Variants in VPS51 observed in about 807,000 individuals in gnomAD.
VPS51 encodes vacuolar protein sorting-associated protein 51 homolog.
VPS51 carries 55 observed loss-of-function variants against 65.1 expected under a neutral mutation model. That is an observed-to-expected ratio of 0.84 (90% CI 0.68 to 1.06). The LOEUF (loss-of-function observed/expected upper bound fraction) is 1.06. Ranked by LOEUF, VPS51 falls within the 50% of genes least tolerant of loss-of-function variation. The pLI is 0.00. For missense variants in VPS51, 943 were observed against 1,101.6 expected, an observed-to-expected ratio of 0.86 and a Z score of 2.04; for synonymous variants, 473 against 489.5, an observed-to-expected ratio of 0.97 and a Z score of 0.44.
Position 65,110,497 on chromosome 11 carries a change from G to C in VPS51, c.1894G>C (p.Glu632Gln). Residue 632 changes from glutamate (E) to glutamine (Q), a missense_variant, in exon 8 of 10, where the codon GAA becomes CAA. Physicochemically the swap from Glu to Gln is conservative, Grantham distance 29. Around this residue, in one of 2 missense-constraint regions of VPS51, gnomAD observed 855 missense variants for 953.7 expected, o/e 0.90. Transcript: ENST00000279281. ...AIDVQVGLLY[E>Q]EGVRKAQSSD... is the part of the protein sequence containing the mutation. ...TTACCACCAGGTGGGGCTCCTGTAC[G>C]AAGAGGGTGTTCGCAAGGCCCAGAG... 6.2e-7 allele frequency: 1 copy of C among 1,613,906 alleles called. No homozygotes were observed. Among genetic ancestry groups the C allele is most frequent in the Non-Finnish European group, 8.5e-7 (1 of 1,180,012 alleles).
Position 65,108,471 on chromosome 11 carries a change from G to T in VPS51, c.1000G>T (p.Ala334Ser), listed in dbSNP as rs371442252. Reference protein sequence around the residue: ...ELFAAQGPAGAEKLAAFARQL... With the variant: ...ELFAAQGPAGSEKLAAFARQL... ...GTTTGCGGCCCAGGGCCCAGCAGGT[G>T]CCGAGAAGCTGGCGGCCTTCGCCCG... Residue 334 changes from alanine to serine, a missense_variant, in exon 5 of 10, where the codon GCC becomes TCC. Coordinates refer to ENST00000279281, the MANE Select transcript of VPS51 (RefSeq NM_013265.4). 1 of 1,609,292 alleles carries T rather than the reference G, an allele frequency of 6.2e-7. No individual in the cohort carries two copies.
At position 65,111,279 on chromosome 11, in the gene VPS51, A is replaced by C. The variant is rs770837841; in HGVS notation, c.2089-48A>C. 2.9e-5 allele frequency: 47 copies of C among 1,597,986 alleles called. 1 individual carries two copies. Among genetic ancestry groups the C allele is most frequent in the South Asian group, 1.3e-4 (12 of 90,818 alleles). ...CCTGCTTGGAACTTGGGTGTCCCCCACACACACCTGCAGTCCCCAAGCTGC... is the reference window on the plus strand; with the variant it reads ...CCTGCTTGGAACTTGGGTGTCCCCCCCACACACCTGCAGTCCCCAAGCTGC... On this transcript the variant is annotated intron_variant, in intron 9 of 9. Transcript: ENST00000279281.
chr11:65,108,756 C>A lies in VPS51; in HGVS notation c.1285C>A (p.Leu429Met), dbSNP rs753590445. 6.2e-7 allele frequency: 1 copy of A among 1,612,132 alleles called. No individual in the cohort carries two copies. The highest frequency in any genetic ancestry group is 2.2e-5 in the East Asian group (1 of 44,870). ...LGCLTDVRQA[L>M]AAPRVAGKEG... ...CTGCCTGACAGACGTCCGCCAGGCG[C>A]TGGCAGCACCTCGCGTGGCTGGGAA... Residue 429 changes from leucine to methionine, a missense_variant, in exon 5 of 10, where the codon CTG becomes ATG. Physicochemically the swap from Leu to Met is conservative, Grantham distance 15. Coordinates refer to ENST00000279281, the MANE Select transcript of VPS51 (RefSeq NM_013265.4).
chr11:65,097,170 C>T, intron 2 of VPS51, 43 bp downstream of exon 2: 1 of 1,611,768 alleles, frequency 6.2e-7, no homozygotes, highest in Non-Finnish European at 8.5e-7. Context: ...TCACAGCCCC[C>T]ATTCTCCCAC....
Position 65,107,669 on chromosome 11 carries a change from C to CAA in VPS51, c.448_449insAA (p.Ser150LysfsTer136), listed in dbSNP as rs766840125. On this transcript the variant is annotated frameshift_variant, in exon 3 of 10. Transcript: ENST00000279281. LOFTEE classifies it high-confidence loss of function. The surrounding 1 kb of genome is among the most constrained non-coding windows in gnomAD (Gnocchi z 4.0). ...CCAACATGGCAGTGATCACCGACTTCAGCGCTCGCATCAGCGCCACGCTGC... is the reference window on the plus strand; with the variant it reads ...CCAACATGGCAGTGATCACCGACTTCAAAGCGCTCGCATCAGCGCCACGCTGC... 17 of 1,610,156 alleles carry CAA rather than the reference C, an allele frequency of 1.1e-5. No homozygotes were observed. Among genetic ancestry groups the CAA allele is most frequent in the Non-Finnish European group, 1.7e-6 (2 of 1,177,424 alleles).
intron 2 of VPS51, among the ~76,000 whole-genome samples, chr11:65,101,168 GA>G (rs1229755133): frequency 6.6e-6 from 1 of 152,190 alleles, no homozygotes; most frequent in Non-Finnish European, 1.5e-5. Context: ...AGGGGATGAT[GA>G]AATGTTCTGG....
At position 65,111,463 on chromosome 11, in the gene VPS51, T is replaced by C; in HGVS notation, c.2225T>C (p.Phe742Ser). ...TTTCTGCAGCTCTACCTGTGGCGTT[T>C]TGTGGCCGACGAAGAACTCGTGCAC... is the stretch of plus-strand genomic sequence containing the variant. ...CHFLQLYLWRFVADEELVHLL... is the reference protein window; with the variant it reads ...CHFLQLYLWRSVADEELVHLL... Residue 742 changes from phenylalanine (F) to serine (S), a missense_variant, in exon 10 of 10, where the codon TTT becomes TCT. Phe to Ser is a radical substitution (Grantham distance 155, BLOSUM62 -2). This residue lies in a region of VPS51 where 88 missense variants were observed against 147.8 expected (regional missense o/e 0.60). Transcript: ENST00000279281. 1 of 1,613,990 alleles carries C rather than the reference T, an allele frequency of 6.2e-7. No homozygotes were observed. Among genetic ancestry groups the C allele is most frequent in the South Asian group, 1.1e-5 (1 of 91,092 alleles).
chr11:65,106,367 A>G (rs762073026), intron 2 of VPS51, among the ~76,000 whole-genome samples: 5 of 152,236 alleles, frequency 3.3e-5, no homozygotes, highest in Non-Finnish European at 5.9e-5. Context: ...ACTTACAATC[A>G]TGGCAGAAGG....
intron 7 of VPS51, 129 bp downstream of exon 7, chr11:65,110,052 T>C (rs947649788): frequency 1.9e-6 from 2 of 1,043,978 alleles, no homozygotes; most frequent in African/African-American, 3.2e-5. Flanking sequence ...TCTGGGCTTC[T>C]CACGGGGCCA....
rs143632789 is a variant in VPS51, at chr11:65,101,186, G to A, written c.358+4059G>A. Among the ~76,000 whole-genome samples the A allele has an allele frequency of 5.9e-4, 90 of 152,238 alleles. 1 individual carries two copies. The highest frequency in any genetic ancestry group is 3.3e-3 in the South Asian group (16 of 4,814). ...GGATGATGAAATGTTCTGGAATTAC[G>A]TAGTGAGGTTGGTTGTACAACCTTG... is the stretch of plus-strand genomic sequence containing the variant. On this transcript the variant is annotated intron_variant, in intron 2 of 9. Coordinates refer to ENST00000279281, the MANE Select transcript of VPS51 (RefSeq NM_013265.4).
At position 65,109,867 on chromosome 11, in the gene VPS51, A is replaced by G; in HGVS notation, c.1822A>G (p.Asn608Asp). The change falls in exon 7 of 10, where the codon AAT becomes GAT. Residue 608 changes from asparagine to aspartate, a missense_variant. Asn to Asp is a conservative substitution (Grantham distance 23, BLOSUM62 1). Coordinates refer to ENST00000279281, the MANE Select transcript of VPS51 (RefSeq NM_013265.4). ...RDWLSTLEPR[N>D]VRAVMKRVVE... ...CTGGCTCAGCACTCTGGAGCCCCGG[A>G]ATGTGCGGGCCGTCATGAAGCGGGT... 1 of 1,611,828 alleles carries G rather than the reference A, an allele frequency of 6.2e-7. No homozygotes were observed. Among genetic ancestry groups the G allele is most frequent in the Non-Finnish European group, 8.5e-7 (1 of 1,179,660 alleles).
Position 65,097,024 on chromosome 11 carries a change from G to A in VPS51, c.255G>A (p.Gln85=), listed in dbSNP as rs769592721. The A allele has an allele frequency of 1.2e-6, 2 of 1,613,838 alleles. No homozygotes were observed. Among genetic ancestry groups the A allele is most frequent in the Non-Finnish European group, 1.7e-6 (2 of 1,180,036 alleles). Residue 85 remains glutamine, a synonymous_variant, in exon 2 of 10, where the codon CAG becomes CAA. Coordinates refer to ENST00000279281, the MANE Select transcript of VPS51 (RefSeq NM_013265.4). ...DKLRRECPLA[Q]LMDSETDMVR... is the part of the protein sequence containing the mutation. ...TGCGTAGAGAGTGCCCTCTGGCCCA[G>A]TTGATGGACAGTGAGACGGACATGG...
Position 65,109,723 on chromosome 11 carries a change from C to T in VPS51, c.1678C>T (p.Pro560Ser), listed in dbSNP as rs1225657037. 1 of 1,576,566 alleles carries T rather than the reference C, an allele frequency of 6.3e-7. No homozygotes were observed. Among genetic ancestry groups the T allele is most frequent in the East Asian group, 2.3e-5 (1 of 43,218 alleles). The part of the protein sequence containing the change: ...FLVQDQFPVT[P>S]VSTLCAEARE... ...GGCTCAGGATCAGTTCCCAGTGACG[C>T]CCGTGAGCACGCTGTGTGCAGAGGC... The change falls in exon 7 of 10, where the codon CCC becomes TCC. Residue 560 changes from proline (P) to serine (S), a missense_variant. Coordinates refer to ENST00000279281, the MANE Select transcript of VPS51 (RefSeq NM_013265.4).
At chr11:65,102,041 A>T (rs1947812599) in intron 2 of VPS51, among the ~76,000 whole-genome samples, 1 of 128,006 alleles carries the variant, frequency 7.8e-6, no homozygotes, top group Admixed American at 8.6e-5. Context: ...TTTTTTTGAG[A>T]CAGAGTCTTG....
rs755696138 is a variant in VPS51 at position 65,108,755 on chromosome 11, G to T, written c.1284G>T (p.Ala428=). 6.2e-7 allele frequency: 1 copy of T among 1,612,000 alleles called. No individual in the cohort carries two copies. Residue 428 remains alanine, a synonymous_variant, in exon 5 of 10, where the codon GCG becomes GCT. Transcript: ENST00000279281. ...FLGCLTDVRQ[A]LAAPRVAGKE... Reference sequence around the variant, plus strand: ...GCTGCCTGACAGACGTCCGCCAGGCGCTGGCAGCACCTCGCGTGGCTGGGA... The same window carrying T: ...GCTGCCTGACAGACGTCCGCCAGGCTCTGGCAGCACCTCGCGTGGCTGGGA...
Position 65,108,532 on chromosome 11 carries a change from G to C in VPS51, c.1061G>C (p.Arg354Pro). 1.3e-6 allele frequency: 2 copies of C among 1,585,516 alleles called. No individual in the cohort carries two copies. Among genetic ancestry groups the C allele is most frequent in the Non-Finnish European group, 1.7e-6 (2 of 1,172,410 alleles). The change falls in exon 5 of 10, where the codon CGG becomes CCG. Residue 354 changes from arginine to proline, a missense_variant. By Grantham distance (103) the Arg-to-Pro change is moderately radical. This residue lies in a region of VPS51 where 855 missense variants were observed against 953.7 expected (regional missense o/e 0.90). Coordinates refer to ENST00000279281, the MANE Select transcript of VPS51 (RefSeq NM_013265.4). ...LGSRYFALVE[R>P]RLAQEQGGGD... ...AGCCGCTATTTTGCGCTGGTGGAGCGGCGGCTGGCGCAGGAGCAGGGTGGT... is the reference window on the plus strand; with the variant it reads ...AGCCGCTATTTTGCGCTGGTGGAGCCGCGGCTGGCGCAGGAGCAGGGTGGT...
At chr11:65,096,518 G>GTGGGGGC in intron 1 of VPS51, 40 bp downstream of exon 1, 1 of 499,400 alleles carries the variant, frequency 2.0e-6, no homozygotes, top group Non-Finnish European at 3.7e-6. Context: ...GGGGAGGGGG[G>GTGGGGGC]AAGGGAACCA....
At chr11:65,097,569 G>C (rs1317153026) in intron 2 of VPS51, among the ~76,000 whole-genome samples, 2 of 152,176 alleles carry the variant, frequency 1.3e-5, no homozygotes, top group African/African-American at 4.8e-5. Context: ...GCACTTAAAA[G>C]GCCAGGCATG....
At chr11:65,096,512 A>AG in intron 1 of VPS51, 34 bp downstream of exon 1, 2 of 440,866 alleles carry the variant, frequency 4.5e-6, no homozygotes, top group South Asian at 2.5e-5. Context: ...GGGTGCGGGG[A>AG]GGGGGGAAGG....
Sources: gnomAD v4.1 joint callset for allele counts (sites outside exome capture counted in the v4.1 genomes callset) on GRCh38, gnomAD v4.1.1 for gene constraint, gnomAD v4.1.1 regional missense constraint, Gnocchi (gnomAD v3.1) non-coding constraint, MANE v1.5 for transcripts, NCBI Gene and HGNC (gene_info 2026-07-23, HGNC 2026-07-21) for gene names.